Variants in KIF18A observed in about 807,000 individuals in gnomAD.
KIF18A encodes the protein kinesin family member 18A, also known as kinesin-like protein KIF18A.
Under a neutral mutation model 103.3 loss-of-function variants are expected in KIF18A, and 67 were observed. The observed-to-expected ratio is 0.65, with a 90% CI of 0.53 to 0.79. KIF18A has a LOEUF of 0.79. Among genes scored for constraint, KIF18A ranks in the 30% least tolerant of loss-of-function variants. KIF18A has a pLI of 0.00. For missense variants in KIF18A, 1,032 were observed against 1,062.5 expected, an observed-to-expected ratio of 0.97 and a Z score of 0.40; for synonymous variants, 367 against 355.5, an observed-to-expected ratio of 1.03 and a Z score of -0.36.
chr11:28,092,205 G>A (rs1379063251), intron 3 of KIF18A, among the ~76,000 whole-genome samples: 2 of 152,148 alleles, frequency 1.3e-5, no homozygotes, highest in Admixed American at 6.5e-5. Context: ...GGTTCTTACT[G>A]TGGAAGATAT....
intron 12 of KIF18A, among the ~76,000 whole-genome samples, chr11:28,061,826 G>A (rs913015519): frequency 6.6e-6 from 1 of 151,872 alleles, no homozygotes; most frequent in Non-Finnish European, 1.5e-5. Flanking sequence ...GTTGACTGAC[G>A]TATCCAATGT....
At chr11:28,027,675 GAAT>G (rs1313497319) in intron 15 of KIF18A, among the ~76,000 whole-genome samples, 1 of 151,724 alleles carries the variant, frequency 6.6e-6, no homozygotes, top group African/African-American at 2.4e-5. Context: ...CTGAACAAAT[GAAT>G]AATAAGTAAC....
chr11:28,047,631 A>G (rs1345043418), intron 13 of KIF18A, among the ~76,000 whole-genome samples: 1 of 152,162 alleles, frequency 6.6e-6, no homozygotes, highest in Non-Finnish European at 1.5e-5. Context: ...TTGTTGCCAG[A>G]GTTGGAGTCA....
chr11:28,087,657 C>T (rs547328435), intron 6 of KIF18A, among the ~76,000 whole-genome samples: 26 of 152,236 alleles, frequency 1.7e-4, no homozygotes, highest in African/African-American at 4.6e-4. Flanking sequence ...CTTGAGGAAT[C>T]GCCACACTGT....
chr11:28,077,243 T>C (rs1851105730), intron 9 of KIF18A, 74 bp from the exon 10 acceptor site: 5 of 1,037,282 alleles, frequency 4.8e-6, no homozygotes, highest in Non-Finnish European at 7.0e-6. Context: ...TTAAGAGAAA[T>C]GCATAAACAA....
chr11:28,042,334 G>A (rs1364286789), intron 13 of KIF18A, among the ~76,000 whole-genome samples: 1 of 151,734 alleles, frequency 6.6e-6, no homozygotes, highest in Non-Finnish European at 1.5e-5. Flanking sequence ...CTCTTTTTAG[G>A]TTAGGCACCC....
rs117787850 is a variant in KIF18A at position 28,105,105 on chromosome 11, T to C, written c.-47+2959A>G. Among the ~76,000 whole-genome samples the C allele has an allele frequency of 3.3e-3, 506 of 152,332 alleles. 1 individual carries two copies. The highest frequency in any genetic ancestry group is 5.7e-3 in the Non-Finnish European group (388 of 68,016). ...TTTAGTAACAATAAGTTATATTTTCTATTGAGCTCATATCCCACAAATAGA... is the reference window on the plus strand; with the variant it reads ...TTTAGTAACAATAAGTTATATTTTCCATTGAGCTCATATCCCACAAATAGA... On this transcript the variant is annotated intron_variant, in intron 1 of 16. Transcript: ENST00000263181.
At position 28,059,167 on chromosome 11, in the gene KIF18A, T is replaced by C. The variant is rs1319637146; in HGVS notation, c.1713-6A>G. On this transcript the variant is annotated splice_region_variant and splice_polypyrimidine_tract_variant and intron_variant, in intron 12 of 16. Transcript: ENST00000263181. ...GAAGTAAAGCATTCAATACTCTATATACAGAAGATGAGAAGAAAGGAGAGA... is the reference window on the plus strand; with the variant it reads ...GAAGTAAAGCATTCAATACTCTATACACAGAAGATGAGAAGAAAGGAGAGA... 10 of 1,570,242 alleles carry C rather than the reference T, an allele frequency of 6.4e-6. No homozygotes were observed. The highest frequency in any genetic ancestry group is 1.7e-5 in the Admixed American group (1 of 59,366).
chr11:28,068,999 A>G (rs1670007195), intron 11 of KIF18A, among the ~76,000 whole-genome samples: 1 of 152,204 alleles, frequency 6.6e-6, no homozygotes, highest in African/African-American at 2.4e-5. Context: ...ATTTTTGCAT[A>G]AAATATCAAG....
chr11:28,069,780 T>C (rs1343194962), intron 10 of KIF18A, among the ~76,000 whole-genome samples: 1 of 152,118 alleles, frequency 6.6e-6, no homozygotes, highest in African/African-American at 2.4e-5. Context: ...CATGATCTCC[T>C]TACTCAAAAT....
chr11:28,030,908 G>T (rs1430537347), intron 15 of KIF18A, among the ~76,000 whole-genome samples: 2 of 151,222 alleles, frequency 1.3e-5, no homozygotes, highest in Non-Finnish European at 2.9e-5. Context: ...AGACATTTAT[G>T]CAGCCAAAAA....
At chr11:28,081,408 G>A (rs1401998501) in intron 9 of KIF18A, among the ~76,000 whole-genome samples, 1 of 152,022 alleles carries the variant, frequency 6.6e-6, no homozygotes, top group Non-Finnish European at 1.5e-5. Context: ...AGTTGAAGTC[G>A]ATGTTCATTT....
intron 13 of KIF18A, among the ~76,000 whole-genome samples, chr11:28,051,349 CAATAG>C: frequency 6.6e-6 from 1 of 151,444 alleles, no homozygotes; most frequent in East Asian, 1.9e-4. Context: ...ACAGGTGAAA[CAATAG>C]AGTAGAAATT....
chr11:28,026,387 C>T (rs1004104587), intron 15 of KIF18A, among the ~76,000 whole-genome samples: 6 of 151,440 alleles, frequency 4.0e-5, no homozygotes, highest in South Asian at 2.1e-4. Context: ...TACTCTGAAG[C>T]GCATGTAACT....
intron 10 of KIF18A, 126 bp downstream of exon 10, chr11:28,076,881 C>T (rs1267540081): frequency 4.3e-6 from 2 of 468,882 alleles, no homozygotes; most frequent in African/African-American, 2.4e-5. Context: ...TTGCAGTGAG[C>T]TGAGGTTGTG....
chr11:28,103,684 AT>A (rs1851472093), intron 1 of KIF18A, among the ~76,000 whole-genome samples: 1 of 152,120 alleles, frequency 6.6e-6, no homozygotes, highest in African/African-American at 2.4e-5. Flanking sequence ...TTAATAAACT[AT>A]AAAAAATGCT....
intron 15 of KIF18A, among the ~76,000 whole-genome samples, chr11:28,027,674 T>C (rs1016284811): frequency 6.6e-6 from 1 of 151,956 alleles, no homozygotes; most frequent in Non-Finnish European, 1.5e-5. Context: ...CCTGAACAAA[T>C]GAATAATAAG....
chr11:28,025,154 A>T (rs2133482730), intron 15 of KIF18A, among the ~76,000 whole-genome samples: 1 of 152,222 alleles, frequency 6.6e-6, no homozygotes, highest in Non-Finnish European at 1.5e-5. Flanking sequence ...ACAGAAAGCA[A>T]AACTTGAATA....
intron 16 of KIF18A, among the ~76,000 whole-genome samples, chr11:28,022,171 G>T (rs1308262340): frequency 6.6e-6 from 1 of 151,570 alleles, no homozygotes; most frequent in African/African-American, 2.4e-5. Context: ...CCCCATAGTA[G>T]ATATTTTTAC....
Sources: gnomAD v4.1 joint callset for allele counts (sites outside exome capture counted in the v4.1 genomes callset) on GRCh38, gnomAD v4.1.1 for gene constraint, MANE v1.5 for transcripts, NCBI Gene and HGNC (gene_info 2026-07-23, HGNC 2026-07-21) for gene names.